Variants in COIL observed in about 807,000 individuals in gnomAD.
COIL encodes the protein coilin.
In COIL, 28 loss-of-function variants were observed where a neutral mutation model predicts 51.6. The ratio of observed to expected loss-of-function variants is 0.54; its 90% CI spans 0.40 to 0.74. COIL has a LOEUF of 0.74. Among genes scored for constraint, COIL ranks in the 30% least tolerant of loss-of-function variants. The probability of loss-of-function intolerance (pLI) is 0.00; values close to 1 mark genes in which losing one functional copy is unlikely to be tolerated. For synonymous variants in COIL, 233 were observed against 255.8 expected (o/e 0.91, Z 0.85); for missense variants, 667 against 685.9 (o/e 0.97, Z 0.31).
At chr17:56,952,392 A>T (rs1260683315) in intron 1 of COIL, 1 of 419,962 alleles carries the variant, frequency 2.4e-6, no homozygotes, top group African/African-American at 2.1e-5. Context: ...AAATCCTGGG[A>T]TTCTTTTTAT....
At chr17:56,948,925 G>A (rs1370614262) in intron 4 of COIL, among the ~76,000 whole-genome samples, 2 of 151,742 alleles carry the variant, frequency 1.3e-5, no homozygotes, top group Admixed American at 1.3e-4. Flanking sequence ...TTAGAATCAT[G>A]AAGGAATGAA....
At chr17:56,944,147 AAAG>A (rs1340395193) in intron 5 of COIL, among the ~76,000 whole-genome samples, 2 of 152,074 alleles carry the variant, frequency 1.3e-5, no homozygotes, top group Non-Finnish European at 2.9e-5. Flanking sequence ...TTGATGCCCT[AAAG>A]AAGAAAAGTT....
intron 1 of COIL, among the ~76,000 whole-genome samples, chr17:56,955,122 T>C (rs1433165678): frequency 6.6e-6 from 1 of 152,210 alleles, no homozygotes; most frequent in Non-Finnish European, 1.5e-5. Flanking sequence ...TGGACTGCAG[T>C]GGCATGATCT....
rs758399185 is a variant in COIL, at chr17:56,950,531, G to A, written c.711C>T (p.Ser237=). The A allele has an allele frequency of 1.2e-5, 19 of 1,614,092 alleles. No homozygotes were observed. The highest frequency in any genetic ancestry group is 8.3e-5 in the Admixed American group (5 of 60,004). The change falls in exon 2 of 7, where the codon AGC becomes AGT. Residue 237 remains serine (S), a synonymous_variant. Coordinates refer to ENST00000240316, the MANE Select transcript of COIL (RefSeq NM_004645.3). ...AACTGGGACTCTCTTTTGAGCAAAC[G>A]CTTACACTACCTTTCCTTTTGGCTT... is the stretch of plus-strand genomic sequence containing the variant. The part of the protein sequence containing the change: ...LVKAKRKGSV[S]VCSKESPSSS...
chr17:56,958,882 T>G (rs768727363), intron 1 of COIL, among the ~76,000 whole-genome samples: 2 of 152,240 alleles, frequency 1.3e-5, no homozygotes, highest in Non-Finnish European at 2.9e-5. Context: ...AATATCCTGA[T>G]TTAAAGATGC....
rs557285519 is a variant in COIL, at chr17:56,960,834, C to G, written c.186G>C (p.Glu62Asp). The G allele has an allele frequency of 3.2e-5, 51 of 1,605,306 alleles. 1 individual carries two copies. The South Asian group carries it at 3.8e-4, about 12-fold the overall frequency. Residue 62 changes from glutamate (E) to aspartate (D), a missense_variant, in exon 1 of 7, where the codon GAG becomes GAC. Physicochemically the swap from Glu to Asp is conservative, Grantham distance 45. Coordinates refer to ENST00000240316, the MANE Select transcript of COIL (RefSeq NM_004645.3). ...SSGAFLGLYL[E>D]GGLLPPAESA... is the part of the protein sequence containing the mutation. ...TCTCGGCGGGGGGCAAGAGCCCCCCCTCCAGGTAGAGGCCTAGGAAGGCCC... is the reference window on the plus strand; with the variant it reads ...TCTCGGCGGGGGGCAAGAGCCCCCCGTCCAGGTAGAGGCCTAGGAAGGCCC...
intron 5 of COIL, among the ~76,000 whole-genome samples, chr17:56,944,042 T>A (rs544788234): frequency 1.1e-4 from 16 of 151,330 alleles, no homozygotes; most frequent in Admixed American, 6.6e-4. Context: ...TGTTTTGTTT[T>A]TTTTTTTTAC....
At chr17:56,948,428 C>T (rs901338480) in intron 4 of COIL, among the ~76,000 whole-genome samples, 4 of 152,032 alleles carry the variant, frequency 2.6e-5, no homozygotes, top group African/African-American at 9.7e-5. Context: ...TGGGAGCCAC[C>T]AAGCCCAGCC....
chr17:56,954,542 A>T (rs1910448443), intron 1 of COIL, among the ~76,000 whole-genome samples: 1 of 151,956 alleles, frequency 6.6e-6, no homozygotes, highest in African/African-American at 2.4e-5. Context: ...GCCTGGCGAC[A>T]GATAGAGACT....
At position 56,949,446 on chromosome 17, in the gene COIL, G is replaced by GA. The variant is rs1196340782; in HGVS notation, c.1441-13dup. ...GTTAGCTCCAAAAGCTAAAAAAGAA[G>GA]AAAAAACCCACAAATACATAAGCCC... On this transcript the variant is annotated splice_polypyrimidine_tract_variant and intron_variant, in intron 3 of 6. Transcript: ENST00000240316. 6.2e-7 allele frequency: 1 copy of GA among 1,604,236 alleles called. No individual in the cohort carries two copies.
At chr17:56,957,593 G>A (rs561462070) in intron 1 of COIL, among the ~76,000 whole-genome samples, 1 of 152,176 alleles carries the variant, frequency 6.6e-6, no homozygotes, top group South Asian at 2.1e-4. Context: ...CTGCACTCCA[G>A]CCTGGGCAAC....
At chr17:56,943,486 T>C (rs1041490609) in intron 5 of COIL, among the ~76,000 whole-genome samples, 5 of 152,220 alleles carry the variant, frequency 3.3e-5, no homozygotes, top group African/African-American at 1.2e-4. Flanking sequence ...CCTTTATCTT[T>C]GTGGGCCAAT....
chr17:56,946,358 G>A, intron 5 of COIL, 84 bp downstream of exon 5: 1 of 909,720 alleles, frequency 1.1e-6, no homozygotes, highest in Non-Finnish European at 1.7e-6. Context: ...GGCCAAGGAA[G>A]AGAACATCTC....
At chr17:56,940,816 A>T (rs1055941545) in intron 6 of COIL, among the ~76,000 whole-genome samples, 5 of 152,132 alleles carry the variant, frequency 3.3e-5, no homozygotes, top group African/African-American at 9.7e-5. Context: ...ACTGCCAGCA[A>T]CTCTGGTAGG....
In COIL at chr17:56,946,462, T is replaced by A; in HGVS notation, c.1538A>T (p.Glu513Val). Reference protein sequence around the residue: ...HNPETQQVDIEILSSLPALRE... With the variant: ...HNPETQQVDIVILSSLPALRE... ...CTCACCAGGTAAGGATGAAAGAATT[T>A]CTATATCTACTTGCTGGGTCTCTGG... Residue 513 changes from glutamate (E) to valine (V), a missense_variant, in exon 5 of 7, where the codon GAA becomes GTA. Glu to Val is a moderately radical substitution (Grantham distance 121, BLOSUM62 -2). Coordinates refer to ENST00000240316, the MANE Select transcript of COIL (RefSeq NM_004645.3). 6.2e-7 allele frequency: 1 copy of A among 1,610,106 alleles called. No homozygotes were observed. Among genetic ancestry groups the A allele is most frequent in the Non-Finnish European group, 8.5e-7 (1 of 1,176,894 alleles).
rs780119129 is a variant in COIL, at chr17:56,949,452, A to C, written c.1441-18T>G. The C allele has an allele frequency of 6.2e-7, 1 of 1,602,782 alleles. No individual in the cohort carries two copies. The highest frequency in any genetic ancestry group is 8.5e-7 in the Non-Finnish European group (1 of 1,176,234). ...TCCAAAAGCTAAAAAAGAAGAAAAA[A>C]CCCACAAATACATAAGCCCTCTTAT... On this transcript the variant is annotated intron_variant, in intron 3 of 6. Transcript: ENST00000240316.
In COIL at chr17:56,960,819, G is replaced by C. The variant is rs1446098518; in HGVS notation, c.201C>G (p.Pro67=). 5 of 1,591,938 alleles carry C rather than the reference G, an allele frequency of 3.1e-6. No individual in the cohort carries two copies. Among genetic ancestry groups the C allele is most frequent in the Non-Finnish European group, 4.3e-6 (5 of 1,171,180 alleles). The change falls in exon 1 of 7, where the codon CCC becomes CCG. Residue 67 remains proline (P), a synonymous_variant. Transcript: ENST00000240316. The part of the protein sequence containing the change: ...LGLYLEGGLL[P]PAESARLVRD... ...TCACAAGGCGCGCGCTCTCGGCGGG[G>C]GGCAAGAGCCCCCCCTCCAGGTAGA...
Position 56,961,010 on chromosome 17 carries a change from A to G in COIL, c.10T>C (p.Ser4Pro), listed in dbSNP as rs1358451975. Residue 4 changes from serine to proline, a missense_variant, in exon 1 of 7, where the codon TCC (serine) becomes CCC (proline). Transcript: ENST00000240316. ...TGAAGCCGTAGCCTAACCGTCTCGG[A>G]AGCTGCCATCTTGCTTGGTGCTCAA... MAASETVRLRLQFD... is the reference protein window; with the variant it reads MAAPETVRLRLQFD... 1.2e-6 allele frequency: 2 copies of G among 1,613,282 alleles called. No homozygotes were observed. The highest frequency in any genetic ancestry group is 1.7e-5 in the Admixed American group (1 of 60,002).
chr17:56,947,377 G>A lies in COIL; in HGVS notation c.1489-866C>T, dbSNP rs147159802. Among the ~76,000 whole-genome samples the A allele has an allele frequency of 9.8e-5, 15 of 152,286 alleles. No individual in the cohort carries two copies. In the East Asian group the frequency reaches 1.3e-3, roughly 14 times the overall value. On this transcript the variant is annotated intron_variant, in intron 4 of 6. Transcript: ENST00000240316. ...TAGGACCAATTTTCATTCTTAAAAT[G>A]TTTTTGAAAGCAATTTCAAAAATCT...
Sources: gnomAD v4.1 joint callset for allele counts (sites outside exome capture counted in the v4.1 genomes callset) on GRCh38, gnomAD v4.1.1 for gene constraint, MANE v1.5 for transcripts, NCBI Gene and HGNC (gene_info 2026-07-23, HGNC 2026-07-21) for gene names.